The following SLC25A48 variants were observed in gnomAD, a reference collection of about 807,000 sequenced individuals.
SLC25A48 encodes solute carrier family 25 member 48.
A neutral mutation model predicts 32.2 loss-of-function variants in SLC25A48; 29 were observed. The observed-to-expected ratio is 0.90, with a 90% confidence interval of 0.67 to 1.23. SLC25A48 has a LOEUF of 1.23. Among genes scored for constraint, SLC25A48 ranks in the 50% most tolerant of loss-of-function variants. The pLI, the probability that SLC25A48 is intolerant of heterozygous loss-of-function variation, is 0.00. For missense variants in SLC25A48, 399 were observed against 422.7 expected (o/e 0.94, Z 0.49); for synonymous variants, 164 against 172.3 (o/e 0.95, Z 0.38).
At chr5:135,727,762 G>T (rs915331877) in intron 3 of SLC25A48, among the ~76,000 whole-genome samples, 2 of 152,114 alleles carry the variant, frequency 1.3e-5, no homozygotes, top group Non-Finnish European at 2.9e-5. Context: ...TTCATTGTGT[G>T]TCTCTCGGCC....
chr5:135,886,283 A>G (rs1357523696), intron 7 of SLC25A48, among the ~76,000 whole-genome samples: 1 of 151,240 alleles, frequency 6.6e-6, no homozygotes, highest in Non-Finnish European at 1.5e-5. Context: ...AGCTCTGAGT[A>G]ACAGCCCCTG....
intron 1 of SLC25A48, among the ~76,000 whole-genome samples, chr5:135,584,692 C>A (rs1160635422): frequency 6.6e-6 from 1 of 152,180 alleles, no homozygotes. Flanking sequence ...CAAAGCTAGT[C>A]CTTGTTAAAA....
At chr5:135,592,660 TGAGA>T (rs1751554472) in intron 1 of SLC25A48, among the ~76,000 whole-genome samples, 1 of 151,910 alleles carries the variant, frequency 6.6e-6, no homozygotes, top group South Asian at 2.1e-4. Flanking sequence ...TATGTGTGTG[TGAGA>T]GAGAGATTGA....
chr5:135,797,610 T>G (rs1757218943), intron 3 of SLC25A48, among the ~76,000 whole-genome samples: 1 of 151,676 alleles, frequency 6.6e-6, no homozygotes, highest in African/African-American at 2.4e-5. Context: ...GGAGAGAGGG[T>G]GATATGACTT....
intron 3 of SLC25A48, among the ~76,000 whole-genome samples, chr5:135,675,431 T>C (rs182655510): frequency 3.3e-5 from 5 of 152,070 alleles, no homozygotes; most frequent in Admixed American, 2.6e-4. Context: ...GGATATCCAA[T>C]CTTCCTAGCA....
chr5:135,808,362 A>C (rs1405245436), intron 3 of SLC25A48, among the ~76,000 whole-genome samples: 1 of 151,914 alleles, frequency 6.6e-6, no homozygotes, highest in African/African-American at 2.4e-5. Context: ...AATATTAATT[A>C]TATCTGGGGA....
At chr5:135,888,003 T>G in intron 7 of SLC25A48, 29 bp from the exon 8 acceptor site, 1 of 1,549,492 alleles carries the variant, frequency 6.5e-7, no homozygotes, top group Non-Finnish European at 8.7e-7. Flanking sequence ...TGCCTTCTTC[T>G]CTGAGTCTGG....
intron 3 of SLC25A48, among the ~76,000 whole-genome samples, chr5:135,640,579 A>C (rs536252521): frequency 6.6e-6 from 1 of 152,324 alleles, no homozygotes; most frequent in East Asian, 1.9e-4. Flanking sequence ...ACAGACAAAC[A>C]TAAAAAATCC....
intron 1 of SLC25A48, among the ~76,000 whole-genome samples, chr5:135,599,200 C>A (rs1050460422): frequency 6.6e-6 from 1 of 152,142 alleles, no homozygotes; most frequent in South Asian, 2.1e-4. Context: ...CTTCATCACA[C>A]TCTTGGAGAT....
intron 1 of SLC25A48, among the ~76,000 whole-genome samples, chr5:135,603,937 C>A (rs1165325740): frequency 6.6e-6 from 1 of 152,138 alleles, no homozygotes; most frequent in African/African-American, 2.4e-5. Context: ...TCCCCTGCCC[C>A]CTTCCCAGGC....
At chr5:135,753,579 T>C (rs1755822487) in intron 3 of SLC25A48, among the ~76,000 whole-genome samples, 1 of 151,728 alleles carries the variant, frequency 6.6e-6, no homozygotes, top group African/African-American at 2.4e-5. Flanking sequence ...TGAACAGTAA[T>C]ATCTCAAGAA....
At chr5:135,627,374 C>G (rs919560760) in intron 1 of SLC25A48, among the ~76,000 whole-genome samples, 1 of 152,138 alleles carries the variant, frequency 6.6e-6, no homozygotes, top group African/African-American at 2.4e-5. Flanking sequence ...CAGCCCCTCT[C>G]TCTCAATCTG....
intron 3 of SLC25A48, among the ~76,000 whole-genome samples, chr5:135,796,014 G>GGT (rs918389711): frequency 3.6e-5 from 5 of 137,048 alleles, no homozygotes; most frequent in Non-Finnish European, 8.0e-5. Context: ...TCGCGAGGGG[G>GGT]GGGTGGGTGT....
intron 3 of SLC25A48, among the ~76,000 whole-genome samples, chr5:135,765,606 C>T (rs374904247): frequency 1.2e-4 from 18 of 151,296 alleles, no homozygotes; most frequent in African/African-American, 4.4e-4. Flanking sequence ...TGTACACCCC[C>T]CTGTGATGTG....
At chr5:135,741,314 T>A (rs1755497141) in intron 3 of SLC25A48, among the ~76,000 whole-genome samples, 1 of 152,176 alleles carries the variant, frequency 6.6e-6, no homozygotes, top group Non-Finnish European at 1.5e-5. Flanking sequence ...ATCTGTATAC[T>A]TGGGTGGAAA....
intron 3 of SLC25A48, among the ~76,000 whole-genome samples, chr5:135,687,437 C>CTCAGT (rs1754042350): frequency 1.3e-5 from 2 of 152,178 alleles, no homozygotes; most frequent in African/African-American, 4.8e-5. Context: ...TTCTGTGTAA[C>CTCAGT]TGAGATTTCT....
chr5:135,665,902 A>G (rs758911479), intron 3 of SLC25A48, among the ~76,000 whole-genome samples: 1 of 151,946 alleles, frequency 6.6e-6, no homozygotes, highest in Non-Finnish European at 1.5e-5. Flanking sequence ...TTCTCATGGG[A>G]CCTTTCATAG....
At chr5:135,650,790 G>A (rs1199955864) in intron 3 of SLC25A48, among the ~76,000 whole-genome samples, 1 of 152,116 alleles carries the variant, frequency 6.6e-6, no homozygotes, top group Non-Finnish European at 1.5e-5. Context: ...GTGTGTATGT[G>A]TGTGTGTGGT....
intron 3 of SLC25A48, among the ~76,000 whole-genome samples, chr5:135,701,524 C>A (rs1754396688): frequency 6.6e-6 from 1 of 152,084 alleles, no homozygotes; most frequent in South Asian, 2.1e-4. Flanking sequence ...TTGCATATTG[C>A]AAAGCTTTTG....
Sources: gnomAD v4.1 joint callset for allele counts (sites outside exome capture counted in the v4.1 genomes callset) on GRCh38, gnomAD v4.1.1 for gene constraint, MANE v1.5 for transcripts, NCBI Gene and HGNC (gene_info 2026-07-23, HGNC 2026-07-21) for gene names.